The following MS4A18 variants were observed in gnomAD, a reference collection of about 807,000 sequenced individuals.
MS4A18 encodes membrane-spanning 4-domains subfamily A member 18.
MS4A18 carries 27 observed loss-of-function variants against 13.1 expected under a neutral mutation model. That is an observed-to-expected ratio of 2.06 (90% CI 1.52 to 2.84). MS4A18 has a LOEUF of 2.84. Among genes scored for constraint, MS4A18 ranks in the 30% most tolerant of loss-of-function variants. MS4A18 has a pLI of 0.00. For synonymous variants in MS4A18, 126 were observed against 76.5 expected, an observed-to-expected ratio of 1.65 and a Z score of -3.38; for missense variants, 307 against 196.4, an observed-to-expected ratio of 1.56 and a Z score of -3.37.
chr11:60,736,986 A>C, exon 3 of MS4A18: 2 of 689,792 alleles, frequency 2.9e-6, no homozygotes, highest in Non-Finnish European at 5.2e-6. Context: ...AGTATATTGT[A>C]TCTGGATCCC....
chr11:60,738,175 T>C (rs1289361909), intron 3 of MS4A18, among the ~76,000 whole-genome samples: 1 of 152,212 alleles, frequency 6.6e-6, no homozygotes, highest in East Asian at 1.9e-4. Context: ...CACCTTTCTC[T>C]CTTCATCCCC....
At chr11:60,735,028 C>T (rs1853314090) in intron 2 of MS4A18, among the ~76,000 whole-genome samples, 1 of 152,018 alleles carries the variant, frequency 6.6e-6, no homozygotes, top group Admixed American at 6.6e-5. Context: ...GGTGATCTGC[C>T]CCCCTTGGCT....
chr11:60,732,132 A>T (rs1162540409), intron 1 of MS4A18, among the ~76,000 whole-genome samples: 2 of 152,154 alleles, frequency 1.3e-5, no homozygotes, highest in Non-Finnish European at 2.9e-5. Context: ...CCAGTGGTAA[A>T]TGCTGTAGGA....
upstream of MS4A18, among the ~76,000 whole-genome samples, chr11:60,728,392 A>ATGTG (rs1480072231): frequency 2.0e-5 from 3 of 149,472 alleles, no homozygotes; most frequent in African/African-American, 7.5e-5. Flanking sequence ...ATCTGTGTGT[A>ATGTG]TGTGTGTATG....
upstream of MS4A18, among the ~76,000 whole-genome samples, chr11:60,728,711 T>A (rs950710518): frequency 2.6e-5 from 4 of 151,752 alleles, no homozygotes; most frequent in African/African-American, 7.3e-5. Flanking sequence ...CCCCTTTTCC[T>A]TTCCCTCTCT....
intron 5 of MS4A18, among the ~76,000 whole-genome samples, chr11:60,742,500 CCAATGTCTATTTTGG>C (rs1195741351): frequency 6.6e-6 from 1 of 152,152 alleles, no homozygotes; most frequent in Non-Finnish European, 1.5e-5. Context: ...TCTAAATCTA[CCAATGTCTATTTTGG>C]GATTAGGCTT....
rs529227177 is a variant in MS4A18, at chr11:60,730,937, A to G, written c.477+1145A>G. Reference sequence around the variant, plus strand: ...GTGAAACCCTGTCTCTACCAAAAATACAAAAAATTAGCCAGGTGTGGTGGC... The same window carrying G: ...GTGAAACCCTGTCTCTACCAAAAATGCAAAAAATTAGCCAGGTGTGGTGGC... On this transcript the variant is annotated intron_variant, in intron 1 of 5. Transcript: ENST00000529108. Among the ~76,000 whole-genome samples, 3 of 152,276 alleles carry G rather than the reference A, an allele frequency of 2.0e-5. No homozygotes were observed. The South Asian group carries it at 6.2e-4, about 32-fold the overall frequency.
intron 4 of MS4A18, among the ~76,000 whole-genome samples, chr11:60,739,503 A>G (rs1331672241): frequency 2.0e-5 from 3 of 152,176 alleles, no homozygotes; most frequent in Admixed American, 1.3e-4. Flanking sequence ...AAGACAAACA[A>G]GGAGAGGAAG....
At chr11:60,736,538 C>T (rs1206351837) in intron 2 of MS4A18, among the ~76,000 whole-genome samples, 3 of 152,188 alleles carry the variant, frequency 2.0e-5, no homozygotes, top group Non-Finnish European at 4.4e-5. Context: ...GGTCTCCTAT[C>T]TCCCAGCCCC....
At chr11:60,738,348 C>T (rs761727913) in intron 3 of MS4A18, among the ~76,000 whole-genome samples, 1 of 152,208 alleles carries the variant, frequency 6.6e-6, no homozygotes, top group African/African-American at 2.4e-5. Flanking sequence ...CTGGCCCCAG[C>T]CTTCCACCAC....
chr11:60,742,316 G>A (rs1270148572), intron 5 of MS4A18, among the ~76,000 whole-genome samples: 1 of 152,168 alleles, frequency 6.6e-6, no homozygotes, highest in Non-Finnish European at 1.5e-5. Context: ...TTAAGAGTGA[G>A]CCCCAAAGGT....
At chr11:60,727,652 G>A (rs966982655), upstream of MS4A18, among the ~76,000 whole-genome samples, 5 of 152,096 alleles carry the variant, frequency 3.3e-5, 1 homozygote, top group African/African-American at 7.2e-5. Context: ...TCCTGCACAC[G>A]TTATTTTGTG....
At chr11:60,737,081 A>G (rs1565060852) in intron 3 of MS4A18, 47 bp downstream of exon 4, 1 of 694,720 alleles carries the variant, frequency 1.4e-6, no homozygotes, top group Admixed American at 2.1e-5. Flanking sequence ...TTAGAATTTG[A>G]CTCTCTACCA....
chr11:60,725,817 G>A (rs756900726), upstream of MS4A18, among the ~76,000 whole-genome samples: 2 of 152,106 alleles, frequency 1.3e-5, no homozygotes, highest in African/African-American at 2.4e-5. Flanking sequence ...GAGTTTGCCC[G>A]AGAAATGGTC....
upstream of MS4A18, among the ~76,000 whole-genome samples, chr11:60,725,509 G>T (rs969702331): frequency 1.3e-5 from 2 of 152,154 alleles, no homozygotes; most frequent in Non-Finnish European, 1.5e-5. Flanking sequence ...TTTTCCTGAC[G>T]GGAGGTAGAA....
At position 60,733,648 on chromosome 11, in the gene MS4A18, G is replaced by GT; in HGVS notation, c.591+2dup. 1.4e-6 allele frequency: 1 copy of GT among 703,572 alleles called. No homozygotes were observed. 43.6% of individuals were successfully genotyped at this position (703,572 alleles called of 1,614,324 possible). ...GTACCCGCTCTGGGGAGGATTATCC[G>GT]TGAGTACAAGGCCATATGGTCTCCT... On this transcript the variant is annotated splice_donor_variant, in intron 2 of 5. Transcript: ENST00000529108. LOFTEE classifies it high-confidence loss of function.
upstream of MS4A18, among the ~76,000 whole-genome samples, chr11:60,726,176 C>CT (rs1853159163): frequency 6.6e-6 from 1 of 152,058 alleles, no homozygotes; most frequent in African/African-American, 2.4e-5. Context: ...CTTTCAGAGC[C>CT]TTGGTCTCCC....
At chr11:60,726,727 ATTTTATTTTATTTTATTT>A (rs1565057858), upstream of MS4A18, among the ~76,000 whole-genome samples, 1 of 144,498 alleles carries the variant, frequency 6.9e-6, no homozygotes, top group African/African-American at 2.6e-5. Flanking sequence ...CTTTTATTTT[ATTTTATTTTATTTTATTT>A]TATTTTATTT....
At chr11:60,731,011 G>A (rs374891202) in intron 1 of MS4A18, among the ~76,000 whole-genome samples, 14 of 152,100 alleles carry the variant, frequency 9.2e-5, no homozygotes, top group Middle Eastern at 3.4e-3. Flanking sequence ...GGAGAATGGC[G>A]TGAACCCGGG....
Sources: allele counts gnomAD v4.1 joint callset (sites outside exome capture counted in the v4.1 genomes callset), GRCh38; gene constraint gnomAD v4.1.1; transcripts MANE v1.5; gene names NCBI Gene and HGNC (gene_info 2026-07-23, HGNC 2026-07-21).